USP36: variants seen among roughly 807,000 people sequenced by gnomAD.
USP36 encodes ubiquitin carboxyl-terminal hydrolase 36.
A neutral mutation model predicts 111.5 loss-of-function variants in USP36; 59 were observed. The observed-to-expected ratio is 0.53, with a 90% CI of 0.43 to 0.66. The LOEUF is 0.66. Among genes scored for constraint, USP36 ranks in the 30% least tolerant of loss-of-function variants. The pLI is 0.00. For synonymous variants in USP36, 628 were observed against 581.0 expected, an observed-to-expected ratio of 1.08 and a Z score of -1.16; for missense variants, 1,488 against 1,468.0, an observed-to-expected ratio of 1.01 and a Z score of -0.22.
Position 78,806,963 on chromosome 17 carries a change from T to C in USP36, c.2081A>G (p.Lys694Arg). Residue 694 changes from lysine (K) to arginine (R), a missense_variant, in exon 14 of 21, where the codon AAG becomes AGG. Lys to Arg is a conservative substitution (Grantham distance 26). This residue lies in a region of USP36 where 1,073 missense variants were observed against 994.1 expected (regional missense o/e 1.08). Transcript: ENST00000449938. ...PPAKKLALSAKKASTLWRATG... is the reference protein window; with the variant it reads ...PPAKKLALSARKASTLWRATG... Reference sequence around the variant, plus strand: ...GCGAGACCCCCACACACCCACCTTCTTGGCAGAAAGGGCCAGTTTTTTGGC... The same window carrying C: ...GCGAGACCCCCACACACCCACCTTCCTGGCAGAAAGGGCCAGTTTTTTGGC... 1 of 1,613,900 alleles carries C rather than the reference T, an allele frequency of 6.2e-7. No homozygotes were observed. The highest frequency in any genetic ancestry group is 8.5e-7 in the Non-Finnish European group (1 of 1,179,776).
At chr17:78,815,706 A>G (rs1008751304) in intron 10 of USP36, among the ~76,000 whole-genome samples, 1 of 121,822 alleles carries the variant, frequency 8.2e-6, no homozygotes, top group African/African-American at 2.5e-5. Flanking sequence ...CCAATTTTTC[A>G]TAGAAAAAAA....
intron 13 of USP36, among the ~76,000 whole-genome samples, chr17:78,810,354 C>T (rs893186154): frequency 6.6e-6 from 1 of 152,096 alleles, no homozygotes; most frequent in Admixed American, 6.5e-5. Flanking sequence ...GTGGTATGAT[C>T]ATGACTCACT....
At chr17:78,792,600 G>A (rs557079176), downstream of USP36, among the ~76,000 whole-genome samples, 104 of 152,278 alleles carry the variant, frequency 6.8e-4, no homozygotes, top group South Asian at 1.2e-3. Flanking sequence ...GAAGGAGCCC[G>A]GCAACTGGTG....
intron 10 of USP36, among the ~76,000 whole-genome samples, chr17:78,817,206 G>T (rs554298813): frequency 1.6e-3 from 237 of 152,320 alleles, no homozygotes; most frequent in Non-Finnish European, 1.8e-3. Flanking sequence ...AGCTGGCTCC[G>T]TCATCTACGT....
At chr17:78,789,589 ATT>A (rs1456158901) in intron 3 of USP36, among the ~76,000 whole-genome samples, 3 of 152,182 alleles carry the variant, frequency 2.0e-5, no homozygotes, top group African/African-American at 7.2e-5. Context: ...GGATTGGGGC[ATT>A]GTCTTGCTTT....
intron 17 of USP36, among the ~76,000 whole-genome samples, chr17:78,801,318 G>A (rs1263002879): frequency 1.3e-5 from 2 of 152,182 alleles, no homozygotes; most frequent in African/African-American, 4.8e-5. Flanking sequence ...AAACTCAGTC[G>A]GCACTAGCTA....
chr17:78,823,085 C>G, intron 6 of USP36: 1 of 399,020 alleles, frequency 2.5e-6, no homozygotes. Context: ...ACACCTCAGT[C>G]TCTCATCTGG....
intron 10 of USP36, among the ~76,000 whole-genome samples, chr17:78,816,436 G>C (rs2094191304): frequency 6.6e-6 from 1 of 152,016 alleles, no homozygotes; most frequent in African/African-American, 2.4e-5. Flanking sequence ...GACCAGCCTG[G>C]CCAACATGGT....
intron 2 of USP36, among the ~76,000 whole-genome samples, chr17:78,836,797 G>A (rs561383262): frequency 2.3e-5 from 2 of 88,410 alleles, no homozygotes; most frequent in Admixed American, 1.0e-4. Context: ...ATACACACAC[G>A]GACACACACA....
rs553539999 is a variant in USP36 at position 78,806,143 on chromosome 17, G to A, written c.2216+13C>T. 2 of 1,612,884 alleles carry A rather than the reference G, an allele frequency of 1.2e-6. No homozygotes were observed. Among genetic ancestry groups the A allele is most frequent in the East Asian group, 4.5e-5 (2 of 44,866 alleles). ...ACCAGTTGGCACCCAGAAGATCCCGGCCCAAAGCTTACCTGGCTCTATGGA... is the reference window on the plus strand; with the variant it reads ...ACCAGTTGGCACCCAGAAGATCCCGACCCAAAGCTTACCTGGCTCTATGGA... On this transcript the variant is annotated intron_variant, in intron 15 of 20. Coordinates refer to ENST00000449938, the MANE Select transcript of USP36 (RefSeq NM_001385174.1).
At chr17:78,819,094 C>T (rs2094256184) in intron 9 of USP36, 1 of 207,728 alleles carries the variant, frequency 4.8e-6, no homozygotes, top group African/African-American at 2.3e-5. Context: ...CAAATTAAAG[C>T]AGATGTGGCT....
intron 13 of USP36, among the ~76,000 whole-genome samples, chr17:78,808,506 C>G (rs2093971502): frequency 6.6e-6 from 1 of 152,210 alleles, no homozygotes; most frequent in Non-Finnish European, 1.5e-5. Context: ...CCACCCTGGC[C>G]TCTCAAAGTG....
At chr17:78,823,848 G>A (rs1343387947) in intron 6 of USP36, among the ~76,000 whole-genome samples, 2 of 152,184 alleles carry the variant, frequency 1.3e-5, no homozygotes, top group Non-Finnish European at 2.9e-5. Flanking sequence ...TGCACTGCAC[G>A]GGGCAGACAG....
chr17:78,798,330 C>A lies in USP36; in HGVS notation c.*20+70G>T. ...ATCATACACACACGCCACACCCCAC[C>A]ACACCCCTACACACATACACGGCAC... On this transcript the variant is annotated intron_variant, in intron 20 of 20. Coordinates refer to ENST00000449938, the MANE Select transcript of USP36 (RefSeq NM_001385174.1). The surrounding 1 kb of genome is among the most constrained non-coding windows in gnomAD (Gnocchi z 5.1). 6.4e-7 allele frequency: 1 copy of A among 1,573,338 alleles called. No homozygotes were observed.
chr17:78,833,872 T>C (rs1207660834), intron 4 of USP36, among the ~76,000 whole-genome samples: 1 of 152,222 alleles, frequency 6.6e-6, no homozygotes, highest in African/African-American at 2.4e-5. Context: ...ATAGGAACTT[T>C]ATAGAATGAG....
In USP36 at chr17:78,807,026, G is replaced by T. The variant is rs1404074757; in HGVS notation, c.2018C>A (p.Thr673Asn). 6.8e-6 allele frequency: 11 copies of T among 1,614,234 alleles called. No homozygotes were observed. The highest frequency in any genetic ancestry group is 2.2e-5 in the East Asian group (1 of 44,886). Reference sequence around the variant, plus strand: ...CATGGTGCTTGCAGGCTCAGTGGTGGTGTTGCTCAGGACAGGGGACTTCAG... The same window carrying T: ...CATGGTGCTTGCAGGCTCAGTGGTGTTGTTGCTCAGGACAGGGGACTTCAG... Reference protein sequence around the residue: ...VKLKSPVLSNTTTEPASTMSP... With the variant: ...VKLKSPVLSNNTTEPASTMSP... The change falls in exon 14 of 21, where the codon ACC (threonine) becomes AAC (asparagine). Residue 673 changes from threonine to asparagine, a missense_variant. Coordinates refer to ENST00000449938, the MANE Select transcript of USP36 (RefSeq NM_001385174.1).
At position 78,806,298 on chromosome 17, in the gene USP36, G is replaced by A. The variant is rs1357328927; in HGVS notation, c.2086-12C>T. The A allele has an allele frequency of 4.3e-6, 7 of 1,613,192 alleles. No individual in the cohort carries two copies. In the African/African-American group the frequency reaches 5.3e-5, roughly 12 times the overall value. On this transcript the variant is annotated splice_polypyrimidine_tract_variant and intron_variant, in intron 14 of 20. Transcript: ENST00000449938. Reference sequence around the variant, plus strand: ...CACAGGGTGCTGGCCTGCAGTTATCGACATAAATAAAAACTTGGTGGTCTA... The same window carrying A: ...CACAGGGTGCTGGCCTGCAGTTATCAACATAAATAAAAACTTGGTGGTCTA...
chr17:78,818,645 G>A (rs1455858905), intron 10 of USP36, 22 bp downstream of exon 10: 2 of 1,608,636 alleles, frequency 1.2e-6, no homozygotes, highest in East Asian at 4.5e-5. Flanking sequence ...GAGCTGCCTG[G>A]GATGGTGTCA....
intron 10 of USP36, among the ~76,000 whole-genome samples, chr17:78,814,846 G>A (rs927761404): frequency 3.3e-5 from 5 of 152,174 alleles, no homozygotes; most frequent in Admixed American, 2.6e-4. Flanking sequence ...AGCTACTCAG[G>A]AGGCTGAGGA....
Sources: allele counts gnomAD v4.1 joint callset (sites outside exome capture counted in the v4.1 genomes callset), GRCh38; gene constraint gnomAD v4.1.1; regional missense constraint gnomAD v4.1.1; non-coding constraint Gnocchi (gnomAD v3.1); transcripts MANE v1.5; gene names NCBI Gene and HGNC (gene_info 2026-07-23, HGNC 2026-07-21).